The following SUSD6 variants were observed in gnomAD, a reference collection of about 807,000 sequenced individuals.
The protein encoded by SUSD6 is sushi domain-containing protein 6.
In SUSD6, 16 loss-of-function variants were observed where a neutral mutation model predicts 28.4. The ratio of observed to expected loss-of-function variants is 0.56; its 90% CI spans 0.38 to 0.86. SUSD6 has a LOEUF of 0.86. Among genes scored for constraint, SUSD6 ranks in the 40% least tolerant of loss-of-function variants. The pLI is 0.00. For missense variants in SUSD6, 341 were observed against 384.2 expected (o/e 0.89, Z 0.94); for synonymous variants, 147 against 159.6 (o/e 0.92, Z 0.59).
At chr14:69,612,875 T>C (rs1023817662) in intron 1 of SUSD6, among the ~76,000 whole-genome samples, 3 of 152,210 alleles carry the variant, frequency 2.0e-5, no homozygotes, top group Non-Finnish European at 4.4e-5. Context: ...CAGTAGTTAA[T>C]TCATTTCTTG....
chr14:69,708,984 A>G lies in SUSD6; in HGVS notation c.766A>G (p.Thr256Ala), dbSNP rs1157033529. Residue 256 changes from threonine (T) to alanine (A), a missense_variant, in exon 5 of 6, where the codon ACC becomes GCC. Physicochemically the swap from Thr to Ala is moderately conservative, Grantham distance 58 (BLOSUM62 0). Transcript: ENST00000342745. ...ASETVMVHQATTSSWVAGSGN... is the reference protein window; with the variant it reads ...ASETVMVHQAATSSWVAGSGN... Reference sequence around the variant, plus strand: ...AGAGACTGTGATGGTGCATCAGGCAACCACCTCTTCCTGGGTGGCCGGCTC... The same window carrying G: ...AGAGACTGTGATGGTGCATCAGGCAGCCACCTCTTCCTGGGTGGCCGGCTC... The G allele has an allele frequency of 1.9e-6, 3 of 1,614,146 alleles. No individual in the cohort carries two copies. The highest frequency in any genetic ancestry group is 2.5e-6 in the Non-Finnish European group (3 of 1,180,048).
chr14:69,680,166 C>T (rs373774953), intron 2 of SUSD6, among the ~76,000 whole-genome samples: 1 of 152,156 alleles, frequency 6.6e-6, no homozygotes, highest in African/African-American at 2.4e-5. Flanking sequence ...AGGCCCAGAA[C>T]CCACCAGTGA....
chr14:69,661,603 C>T (rs539941469), intron 2 of SUSD6, among the ~76,000 whole-genome samples: 42 of 152,212 alleles, frequency 2.8e-4, no homozygotes, highest in African/African-American at 9.9e-4. Flanking sequence ...CAATGTTTTT[C>T]CCTTTCTTTG....
At chr14:69,702,426 C>G (rs369072269) in intron 2 of SUSD6, among the ~76,000 whole-genome samples, 1 of 152,208 alleles carries the variant, frequency 6.6e-6, no homozygotes, top group Admixed American at 6.5e-5. Flanking sequence ...CTCAGGTCCA[C>G]TCAGACCTTC....
At chr14:69,620,634 C>T (rs141795871) in intron 1 of SUSD6, among the ~76,000 whole-genome samples, 1 of 152,246 alleles carries the variant, frequency 6.6e-6, no homozygotes, top group East Asian at 1.9e-4. Flanking sequence ...CACAGTCATC[C>T]TGGAAGGGAA....
At chr14:69,647,720 C>T (rs912047621) in intron 1 of SUSD6, among the ~76,000 whole-genome samples, 2 of 151,958 alleles carry the variant, frequency 1.3e-5, no homozygotes, top group Non-Finnish European at 2.9e-5. Flanking sequence ...TACAGTGGCT[C>T]ACGCCTGTAA....
At chr14:69,628,908 T>C (rs1885154915) in intron 1 of SUSD6, among the ~76,000 whole-genome samples, 1 of 152,072 alleles carries the variant, frequency 6.6e-6, no homozygotes, top group Non-Finnish European at 1.5e-5. Context: ...GGTTTTGCCA[T>C]GTTACCCAGG....
intron 1 of SUSD6, among the ~76,000 whole-genome samples, chr14:69,649,243 G>T (rs1885469952): frequency 1.3e-5 from 2 of 152,300 alleles, no homozygotes; most frequent in South Asian, 4.1e-4. Context: ...TTGCATAGAA[G>T]ACAGCCAGTA....
chr14:69,649,741 C>G (rs1885476926), intron 1 of SUSD6, among the ~76,000 whole-genome samples: 1 of 152,150 alleles, frequency 6.6e-6, no homozygotes, highest in Admixed American at 6.5e-5. Flanking sequence ...ATTCCTGGTC[C>G]AGGCAGGGAT....
At chr14:69,697,763 C>T (rs371615715) in intron 2 of SUSD6, among the ~76,000 whole-genome samples, 5 of 152,100 alleles carry the variant, frequency 3.3e-5, no homozygotes, top group African/African-American at 7.2e-5. Flanking sequence ...CCCTGGGTGC[C>T]GATGAATGAT....
Position 69,710,977 on chromosome 14 carries a change from T to C in SUSD6, c.910T>C (p.Ter304ArgextTer145), listed in dbSNP as rs1382920590. ...AGATATTCCACTGTTGAAAGAAGCA[T>C]GAGGGCAGCGGCCAGCCTTTCCTCT... is the stretch of plus-strand genomic sequence containing the variant. ...TDDIPLLKEA[*>R] The change falls in exon 6 of 6, where the codon TGA (stop) becomes CGA (arginine). Residue 304 changes from the stop codon to arginine (R), a stop_lost. Coordinates refer to ENST00000342745, the MANE Select transcript of SUSD6 (RefSeq NM_014734.4). 1.2e-6 allele frequency: 2 copies of C among 1,613,992 alleles called. No individual in the cohort carries two copies. Among genetic ancestry groups the C allele is most frequent in the East Asian group, 2.2e-5 (1 of 44,866 alleles).
intron 1 of SUSD6, among the ~76,000 whole-genome samples, chr14:69,650,665 T>C (rs981228793): frequency 5.9e-5 from 9 of 152,210 alleles, no homozygotes; most frequent in African/African-American, 2.2e-4. Flanking sequence ...CTGTCTGGTC[T>C]TATTTGTTCT....
intron 1 of SUSD6, among the ~76,000 whole-genome samples, chr14:69,644,387 C>T (rs968022109): frequency 3.3e-5 from 5 of 152,154 alleles, no homozygotes; most frequent in African/African-American, 1.2e-4. Flanking sequence ...CACGGTGGCT[C>T]ACACCTGTAA....
intron 2 of SUSD6, among the ~76,000 whole-genome samples, chr14:69,699,291 C>T (rs1175273231): frequency 1.3e-5 from 2 of 152,122 alleles, no homozygotes; most frequent in African/African-American, 2.4e-5. Context: ...GCAACCTCTG[C>T]CTCATGGGTT....
intron 1 of SUSD6, among the ~76,000 whole-genome samples, chr14:69,650,645 C>G (rs1885490290): frequency 6.6e-6 from 1 of 152,160 alleles, no homozygotes; most frequent in African/African-American, 2.4e-5. Context: ...GCCTCCTCCC[C>G]CCTCTTTTTC....
intron 1 of SUSD6, among the ~76,000 whole-genome samples, chr14:69,644,263 T>G (rs754510051): frequency 6.6e-6 from 1 of 152,194 alleles, no homozygotes; most frequent in East Asian, 1.9e-4. Flanking sequence ...GAGGGAAATA[T>G]CAAATTCTCT....
At chr14:69,657,547 A>T (rs2139614010) in intron 1 of SUSD6, among the ~76,000 whole-genome samples, 1 of 152,276 alleles carries the variant, frequency 6.6e-6, no homozygotes, top group Middle Eastern at 3.4e-3. Context: ...TCCCTAATCT[A>T]TGCATATAAA....
At chr14:69,656,394 G>A (rs1480052787) in intron 1 of SUSD6, among the ~76,000 whole-genome samples, 2 of 152,194 alleles carry the variant, frequency 1.3e-5, no homozygotes, top group Non-Finnish European at 2.9e-5. Flanking sequence ...ATTGCCTTGA[G>A]GGGATGACAA....
chr14:69,627,321 G>T (rs1566589702), intron 1 of SUSD6, among the ~76,000 whole-genome samples: 1 of 152,200 alleles, frequency 6.6e-6, no homozygotes, highest in Non-Finnish European at 1.5e-5. Flanking sequence ...TCATGAATTT[G>T]CAGGAGCAGC....
Sources: gnomAD v4.1 joint callset for allele counts (sites outside exome capture counted in the v4.1 genomes callset) on GRCh38, gnomAD v4.1.1 for gene constraint, MANE v1.5 for transcripts, NCBI Gene and HGNC (gene_info 2026-07-23, HGNC 2026-07-21) for gene names.